SNTG1: variants seen among roughly 807,000 people sequenced by gnomAD.
SNTG1 encodes the protein gamma-1-syntrophin.
Under a neutral mutation model 74.7 loss-of-function variants are expected in SNTG1, and 39 were observed. That is an observed-to-expected ratio of 0.52 (90% CI 0.40 to 0.68). The LOEUF (loss-of-function observed/expected upper bound fraction) is 0.68, where lower values mean the gene tolerates loss of function less well. Among genes scored for constraint, SNTG1 ranks in the 30% least tolerant of loss-of-function variants. The pLI is 0.00. For missense variants in SNTG1, 685 were observed against 609.5 expected (o/e 1.12, Z -1.30); for synonymous variants, 254 against 217.1 (o/e 1.17, Z -1.49).
intron 2 of SNTG1, among the ~76,000 whole-genome samples, chr8:50,309,687 C>T: frequency 6.6e-6 from 1 of 152,108 alleles, no homozygotes; most frequent in East Asian, 1.9e-4. Context: ...AGGTATGCAG[C>T]TATTTTAAAG....
At chr8:50,729,312 A>G (rs1471788762) in intron 17 of SNTG1, among the ~76,000 whole-genome samples, 1 of 152,188 alleles carries the variant, frequency 6.6e-6, no homozygotes, top group Non-Finnish European at 1.5e-5. Context: ...CCCTGGATAC[A>G]TGGGATACAT....
intron 2 of SNTG1, among the ~76,000 whole-genome samples, chr8:50,248,394 C>A (rs895265907): frequency 6.6e-6 from 1 of 152,152 alleles, no homozygotes; most frequent in Non-Finnish European, 1.5e-5. Context: ...AAACTCAATT[C>A]CCCCAAGGAC....
intron 1 of SNTG1, among the ~76,000 whole-genome samples, chr8:50,110,656 A>G (rs1286744050): frequency 6.6e-6 from 1 of 152,130 alleles, no homozygotes; most frequent in East Asian, 1.9e-4. Flanking sequence ...ATCCAGGTAA[A>G]CATATTTAGT....
At chr8:49,980,947 G>T (rs1317924970) in intron 1 of SNTG1, among the ~76,000 whole-genome samples, 1 of 152,010 alleles carries the variant, frequency 6.6e-6, no homozygotes, top group Non-Finnish European at 1.5e-5. Context: ...AATAAAAATG[G>T]AATGAATTCC....
chr8:50,138,247 A>C (rs889627288), intron 1 of SNTG1, among the ~76,000 whole-genome samples: 4 of 152,072 alleles, frequency 2.6e-5, no homozygotes, highest in Non-Finnish European at 1.5e-5. Flanking sequence ...GAAAGCACTG[A>C]AAATGTCTGT....
intron 13 of SNTG1, among the ~76,000 whole-genome samples, chr8:50,608,371 T>A (rs4873468): frequency 6.6e-6 from 1 of 151,172 alleles, no homozygotes; most frequent in African/African-American, 2.4e-5. Flanking sequence ...TTATATATTG[T>A]GTTTCTGTTG....
At chr8:50,259,126 A>G (rs1227829193) in intron 2 of SNTG1, among the ~76,000 whole-genome samples, 1 of 152,192 alleles carries the variant, frequency 6.6e-6, no homozygotes, top group Non-Finnish European at 1.5e-5. Flanking sequence ...TACTGAAGTC[A>G]GCGTAATGAC....
At chr8:50,197,555 C>T (rs1234404824) in intron 2 of SNTG1, among the ~76,000 whole-genome samples, 1 of 152,158 alleles carries the variant, frequency 6.6e-6, no homozygotes, top group Non-Finnish European at 1.5e-5. Flanking sequence ...AATATCCTTG[C>T]ATACTTTCCC....
At chr8:49,962,154 G>T (rs1321735514) in intron 1 of SNTG1, among the ~76,000 whole-genome samples, 4 of 152,010 alleles carry the variant, frequency 2.6e-5, no homozygotes, top group Non-Finnish European at 4.4e-5. Context: ...GGTGTAGGGT[G>T]GGGAGAGCAC....
chr8:50,650,068 T>C (rs1205469692), intron 13 of SNTG1, among the ~76,000 whole-genome samples: 1 of 151,882 alleles, frequency 6.6e-6, no homozygotes, highest in Non-Finnish European at 1.5e-5. Context: ...GTATTGTTAC[T>C]GATCTCCAAA....
rs545065015 is a variant in SNTG1 at position 50,546,309 on chromosome 8, G to A, written c.681-6741G>A. ...ATATGTAAGAGTATATTCATAAAAT[G>A]TGATGAGGGGGAAAGGGGAATATAA... On this transcript the variant is annotated intron_variant, in intron 11 of 18. Transcript: ENST00000642720. Among the ~76,000 whole-genome samples the A allele has an allele frequency of 1.5e-4, 23 of 152,230 alleles. No individual in the cohort carries two copies. In the South Asian group the frequency reaches 4.6e-3, roughly 30 times the overall value.
intron 9 of SNTG1, among the ~76,000 whole-genome samples, chr8:50,515,915 T>A (rs2094129843): frequency 1.3e-5 from 2 of 152,122 alleles, no homozygotes; most frequent in African/African-American, 4.8e-5. Context: ...CGGCTCTGAA[T>A]GGATCTCCCA....
intron 1 of SNTG1, among the ~76,000 whole-genome samples, chr8:49,930,063 A>G (rs1030661149): frequency 2.0e-5 from 3 of 152,164 alleles, no homozygotes; most frequent in African/African-American, 4.8e-5. Flanking sequence ...TAATTGTTAG[A>G]AAAACATAAA....
chr8:50,753,389 T>C (rs73678680), intron 18 of SNTG1, among the ~76,000 whole-genome samples: 3,018 of 152,086 alleles, frequency 0.02, 95 homozygotes, highest in African/African-American at 0.065. Flanking sequence ...ATTTTAATAC[T>C]GGTGAAAGAT....
chr8:50,444,764 A>AAGAAAG lies in SNTG1; in HGVS notation c.220-4903_220-4902insGAAAGA, dbSNP rs1554528647. 1.1e-4 allele frequency among the ~76,000 whole-genome samples: 16 copies of AAGAAAG among 140,226 alleles called. 1 individual carries two copies. Among genetic ancestry groups the AAGAAAG allele is most frequent in the East Asian group, 1.1e-3 (5 of 4,724 alleles). The allele number at this position is 140,226 out of a possible 152,430, so 92.0% of individuals were successfully genotyped here. On this transcript the variant is annotated intron_variant, in intron 5 of 18. Coordinates refer to ENST00000642720, the MANE Select transcript of SNTG1 (RefSeq NM_018967.5). ...GACTCCATCTCAGAAAAAAAAAAAA[A>AAGAAAG]AAAGAAAGAGATAACAAGCATACAG...
intron 1 of SNTG1, among the ~76,000 whole-genome samples, chr8:49,969,981 A>G (rs1051631041): frequency 1.3e-5 from 2 of 151,936 alleles, no homozygotes; most frequent in African/African-American, 2.4e-5. Context: ...TCCTTATAAA[A>G]CAAGACTGTC....
At chr8:50,761,573 C>T (rs547354089) in intron 18 of SNTG1, among the ~76,000 whole-genome samples, 8 of 151,334 alleles carry the variant, frequency 5.3e-5, no homozygotes, top group Admixed American at 1.3e-4. Flanking sequence ...TGAGGGCAGG[C>T]CTTGCTAAGA....
In SNTG1 at chr8:50,618,987, A is replaced by G. The variant is rs182788327; in HGVS notation, c.849+28070A>G. Among the ~76,000 whole-genome samples, 4 of 152,282 alleles carry G rather than the reference A, an allele frequency of 2.6e-5. No homozygotes were observed. In the East Asian group the frequency reaches 5.8e-4, roughly 22 times the overall value. ...TGATCACTGCCCAAGGACAATCACT[A>G]TAAACATGCATTTTCCCTAGTCTGT... On this transcript the variant is annotated intron_variant, in intron 13 of 18. Coordinates refer to ENST00000642720, the MANE Select transcript of SNTG1 (RefSeq NM_018967.5).
chr8:50,401,044 A>G (rs2131347283), intron 3 of SNTG1, among the ~76,000 whole-genome samples: 1 of 152,294 alleles, frequency 6.6e-6, no homozygotes, highest in East Asian at 1.9e-4. Context: ...ACATACATCA[A>G]AACCTCACAT....
Sources: gnomAD v4.1 joint callset for allele counts (sites outside exome capture counted in the v4.1 genomes callset) on GRCh38, gnomAD v4.1.1 for gene constraint, MANE v1.5 for transcripts, NCBI Gene and HGNC (gene_info 2026-07-23, HGNC 2026-07-21) for gene names.